Variants in MSRA observed in about 807,000 individuals in gnomAD.
The protein encoded by MSRA is methionine sulfoxide reductase A.
MSRA carries 54 observed loss-of-function variants against 31.3 expected under a neutral mutation model. The observed-to-expected ratio is 1.73, with a 90% CI of 1.39 to 2.17. The LOEUF is 2.17. MSRA is among the 30% of genes most tolerant of loss of function. The pLI is 0.00. For synonymous variants in MSRA, 169 were observed against 116.5 expected (o/e 1.45, Z -2.90); for missense variants, 507 against 300.9 (o/e 1.69, Z -5.07).
chr8:10,235,447 A>G (rs181366426), intron 2 of MSRA, among the ~76,000 whole-genome samples: 34 of 152,270 alleles, frequency 2.2e-4, no homozygotes, highest in African/African-American at 7.7e-4. Flanking sequence ...GAACACTTGA[A>G]AATAAATAAG....
At chr8:10,086,230 G>T (rs1798552043) in intron 1 of MSRA, among the ~76,000 whole-genome samples, 1 of 152,226 alleles carries the variant, frequency 6.6e-6, no homozygotes, top group East Asian at 1.9e-4. Flanking sequence ...AGCCTTTCTA[G>T]TGGGTGATGA....
intron 1 of MSRA, among the ~76,000 whole-genome samples, chr8:10,181,256 G>T (rs1378407269): frequency 6.6e-6 from 1 of 152,148 alleles, no homozygotes. Flanking sequence ...TATCTAGAGA[G>T]CAAGGGTTTG....
At chr8:10,409,083 C>G (rs911142672) in intron 5 of MSRA, among the ~76,000 whole-genome samples, 5 of 152,210 alleles carry the variant, frequency 3.3e-5, no homozygotes, top group Non-Finnish European at 7.3e-5. Flanking sequence ...GGCAGATGCC[C>G]AGCAGTGGGA....
chr8:10,361,988 C>G (rs1049917605), intron 5 of MSRA, among the ~76,000 whole-genome samples: 2 of 152,102 alleles, frequency 1.3e-5, no homozygotes, highest in Admixed American at 1.3e-4. Flanking sequence ...TCCCTCCTCT[C>G]TCTTGTCGTT....
chr8:10,121,680 T>C (rs1801118820), intron 1 of MSRA, among the ~76,000 whole-genome samples: 1 of 152,028 alleles, frequency 6.6e-6, no homozygotes, highest in Non-Finnish European at 1.5e-5. Flanking sequence ...CCTCTCTCTT[T>C]TTTTTTTGAG....
intron 3 of MSRA, among the ~76,000 whole-genome samples, chr8:10,290,181 T>A (rs947240632): frequency 4.2e-4 from 64 of 152,288 alleles, no homozygotes; most frequent in African/African-American, 1.4e-3. Flanking sequence ...GCCTTCAGCC[T>A]TCTTAAAAGC....
chr8:10,095,977 T>A (rs1799133063), intron 1 of MSRA: 2 of 1,397,282 alleles, frequency 1.4e-6, no homozygotes, highest in African/African-American at 2.9e-5. Context: ...AAAATAAAGT[T>A]TGTTCATCAA....
intron 3 of MSRA, among the ~76,000 whole-genome samples, chr8:10,295,319 T>C (rs1377713667): frequency 1.3e-5 from 2 of 152,122 alleles, no homozygotes; most frequent in African/African-American, 4.8e-5. Flanking sequence ...ACCGTCGCAC[T>C]GCGCTGCCTC....
At chr8:10,181,844 T>C (rs952006568) in intron 1 of MSRA, among the ~76,000 whole-genome samples, 1 of 152,230 alleles carries the variant, frequency 6.6e-6, no homozygotes, top group Non-Finnish European at 1.5e-5. Context: ...ACTTCTACCC[T>C]TGGGTCATGT....
At chr8:10,073,569 T>TC (rs397708229) in intron 1 of MSRA, among the ~76,000 whole-genome samples, 5 of 151,994 alleles carry the variant, frequency 3.3e-5, no homozygotes, top group Non-Finnish European at 7.4e-5. Context: ...TTTCTTTTTT[T>TC]CCAAGTTCTT....
intron 1 of MSRA, among the ~76,000 whole-genome samples, chr8:10,135,494 T>A (rs1802208859): frequency 6.6e-6 from 1 of 152,216 alleles, no homozygotes; most frequent in Non-Finnish European, 1.5e-5. Flanking sequence ...ATGACTTCAA[T>A]TCATAATATT....
intron 4 of MSRA, among the ~76,000 whole-genome samples, chr8:10,317,499 T>A (rs1254765584): frequency 6.6e-6 from 1 of 152,174 alleles, no homozygotes; most frequent in Non-Finnish European, 1.5e-5. Context: ...GTTTGTCCCT[T>A]TAAAATCTTC....
intron 1 of MSRA, 121 bp from the exon 2 acceptor site, chr8:10,207,712 G>T (rs1250648912): frequency 1.3e-5 from 11 of 823,084 alleles, no homozygotes; most frequent in African/African-American, 1.2e-4. Flanking sequence ...TCTTCAGAGG[G>T]TAAGCTTGGG....
intron 5 of MSRA, among the ~76,000 whole-genome samples, chr8:10,376,214 A>G (rs2129172258): frequency 6.6e-6 from 1 of 152,326 alleles, no homozygotes; most frequent in East Asian, 1.9e-4. Flanking sequence ...CACCACTTGT[A>G]CATGGGCGAT....
chr8:10,108,114 T>C (rs757332433), intron 1 of MSRA, among the ~76,000 whole-genome samples: 3 of 152,204 alleles, frequency 2.0e-5, no homozygotes, highest in Non-Finnish European at 4.4e-5. Context: ...CCCAGACTTC[T>C]GCAAGTGAGA....
intron 1 of MSRA, among the ~76,000 whole-genome samples, chr8:10,071,405 G>C (rs1797724360): frequency 6.7e-6 from 1 of 150,082 alleles, no homozygotes; most frequent in South Asian, 2.1e-4. Context: ...TTTTCTGTTA[G>C]ATATGTGGTT....
chr8:10,105,950 C>T (rs557138905), intron 1 of MSRA, among the ~76,000 whole-genome samples: 1 of 152,234 alleles, frequency 6.6e-6, no homozygotes, highest in Non-Finnish European at 1.5e-5. Context: ...AGCACTCCCT[C>T]TTTCCCTGCT....
chr8:10,207,934 T>C (rs771336313), intron 2 of MSRA, 33 bp downstream of exon 2: 2 of 1,581,192 alleles, frequency 1.3e-6, no homozygotes, highest in South Asian at 2.3e-5. Context: ...AAACCCAAAT[T>C]GTGTGCAAAG....
intron 5 of MSRA, among the ~76,000 whole-genome samples, chr8:10,375,761 C>T (rs1460348388): frequency 2.0e-5 from 3 of 152,186 alleles, no homozygotes; most frequent in Non-Finnish European, 4.4e-5. Flanking sequence ...GGGGTTGAAA[C>T]CAAGTGGTCG....
Sources: gnomAD v4.1 joint callset for allele counts (sites outside exome capture counted in the v4.1 genomes callset) on GRCh38, gnomAD v4.1.1 for gene constraint, MANE v1.5 for transcripts, NCBI Gene and HGNC (gene_info 2026-07-23, HGNC 2026-07-21) for gene names.